The following CPS1 variants were observed in gnomAD, a reference collection of about 807,000 sequenced individuals.
CPS1 encodes the protein carbamoyl-phosphate synthase 1, also known as carbamoyl-phosphate synthase [ammonia], mitochondrial.
A neutral mutation model predicts 174.6 loss-of-function variants in CPS1; 109 were observed. The observed-to-expected ratio is 0.62, with a 90% CI of 0.53 to 0.73. The LOEUF (loss-of-function observed/expected upper bound fraction) is 0.73. Ranked by LOEUF, CPS1 falls within the 30% of genes least tolerant of loss-of-function variation. The pLI, the probability that CPS1 is intolerant of heterozygous loss-of-function variation, is 0.00. For missense variants in CPS1, 1,689 were observed against 1,821.9 expected (o/e 0.93, Z 1.33); for synonymous variants, 637 against 632.0 (o/e 1.01, Z -0.12).
At chr2:210,538,914 A>G (rs1345460239) in intron 1 of CPS1, among the ~76,000 whole-genome samples, 1 of 152,076 alleles carries the variant, frequency 6.6e-6, no homozygotes, top group Non-Finnish European at 1.5e-5. Context: ...TCAGAGGAAA[A>G]ATTTATTACT....
intron 1 of CPS1, among the ~76,000 whole-genome samples, chr2:210,567,751 T>G (rs538291025): frequency 6.6e-6 from 1 of 152,264 alleles, no homozygotes; most frequent in African/African-American, 2.4e-5. Flanking sequence ...TAAGGGTACT[T>G]TTTGGGCAGC....
At chr2:210,560,991 G>A (rs1012143981) in intron 1 of CPS1, among the ~76,000 whole-genome samples, 1 of 152,122 alleles carries the variant, frequency 6.6e-6, no homozygotes, top group Non-Finnish European at 1.5e-5. Flanking sequence ...GAATTAGTTT[G>A]CCTGATGGAC....
intron 21 of CPS1, among the ~76,000 whole-genome samples, chr2:210,625,368 G>A (rs1386607002): frequency 2.0e-5 from 3 of 152,050 alleles, no homozygotes; most frequent in Non-Finnish European, 4.4e-5. Flanking sequence ...CATGTGAGAA[G>A]CAGAAATATG....
intron 1 of CPS1, among the ~76,000 whole-genome samples, chr2:210,528,814 C>CTTTTT (rs779266955): frequency 8.5e-6 from 1 of 117,684 alleles, no homozygotes; most frequent in Non-Finnish European, 1.8e-5. Context: ...ATCAAGACAA[C>CTTTTT]TTTTTTTTTT....
intron 6 of CPS1, among the ~76,000 whole-genome samples, chr2:210,586,218 T>G (rs1422396141): frequency 1.3e-5 from 2 of 151,958 alleles, no homozygotes; most frequent in African/African-American, 4.8e-5. Context: ...GGGATGTGCA[T>G]TCAAAACATG....
At chr2:210,511,488 A>G (rs1695490871) in intron 1 of CPS1, among the ~76,000 whole-genome samples, 1 of 152,060 alleles carries the variant, frequency 6.6e-6, no homozygotes, top group Non-Finnish European at 1.5e-5. Flanking sequence ...CATATGTAAC[A>G]AACCTGCACA....
Position 210,577,520 on chromosome 2 carries a change from G to A in CPS1, c.471+10G>A, listed in dbSNP as rs1476204296. The A allele has an allele frequency of 8.8e-6, 14 of 1,596,536 alleles. No homozygotes were observed. The highest frequency in any genetic ancestry group is 1.2e-5 in the Non-Finnish European group (14 of 1,164,014). On this transcript the variant is annotated intron_variant, in intron 4 of 37. Coordinates refer to ENST00000233072, the MANE Select transcript of CPS1 (RefSeq NM_001875.5). ...GCTACAGGAAGAAAAGGTAAGAAAT[G>A]TAATAGGGCATCCATCATCACCTAA...
At chr2:210,637,034 A>G (rs1213764809) in intron 21 of CPS1, among the ~76,000 whole-genome samples, 2 of 152,214 alleles carry the variant, frequency 1.3e-5, no homozygotes, top group African/African-American at 2.4e-5. Flanking sequence ...CTAGGTGAAG[A>G]TGATTCTCAA....
chr2:210,675,521 G>C (rs910173798), intron 35 of CPS1, among the ~76,000 whole-genome samples: 1 of 152,050 alleles, frequency 6.6e-6, no homozygotes, highest in African/African-American at 2.4e-5. Flanking sequence ...ATAAAATTGA[G>C]GTTCTTAAGT....
chr2:210,614,646 A>AC (rs1466052904), intron 20 of CPS1, among the ~76,000 whole-genome samples: 2 of 151,950 alleles, frequency 1.3e-5, no homozygotes, highest in Non-Finnish European at 2.9e-5. Flanking sequence ...TTCTCTAATG[A>AC]CCAGTGATGA....
intron 26 of CPS1, among the ~76,000 whole-genome samples, 156 bp downstream of exon 26, chr2:210,648,213 G>A (rs1158337376): frequency 1.3e-5 from 2 of 152,208 alleles, no homozygotes; most frequent in East Asian, 1.9e-4. Flanking sequence ...CATGATTGCA[G>A]TTAATGCTGA....
chr2:210,481,261 T>C (rs1002462730), intron 1 of CPS1, among the ~76,000 whole-genome samples: 2 of 152,230 alleles, frequency 1.3e-5, no homozygotes, highest in Non-Finnish European at 2.9e-5. Flanking sequence ...TTAGTATGTG[T>C]CTTTAACGAG....
intron 1 of CPS1, among the ~76,000 whole-genome samples, chr2:210,539,501 C>A (rs767425085): frequency 4.6e-5 from 7 of 152,128 alleles, no homozygotes; most frequent in Non-Finnish European, 8.8e-5. Context: ...TCCAGTAATG[C>A]AGTCCAATAC....
chr2:210,505,440 C>T (rs1695251820), intron 1 of CPS1, among the ~76,000 whole-genome samples: 1 of 152,082 alleles, frequency 6.6e-6, no homozygotes, highest in Admixed American at 6.5e-5. Context: ...GGAACAGCTC[C>T]AGTCTACTGC....
At chr2:210,521,137 A>G (rs934359900) in intron 1 of CPS1, among the ~76,000 whole-genome samples, 3 of 152,038 alleles carry the variant, frequency 2.0e-5, no homozygotes, top group South Asian at 2.1e-4. Flanking sequence ...AATTGTAGCC[A>G]TTCTTATAAG....
intron 1 of CPS1, among the ~76,000 whole-genome samples, chr2:210,480,309 A>G (rs1489755893): frequency 1.3e-5 from 2 of 151,960 alleles, no homozygotes; most frequent in Admixed American, 1.3e-4. Flanking sequence ...TCACTTGGCC[A>G]CCTCTAGCTG....
chr2:210,621,486 A>G (rs543354034), intron 21 of CPS1, among the ~76,000 whole-genome samples: 6 of 152,038 alleles, frequency 3.9e-5, no homozygotes, highest in South Asian at 2.1e-4. Flanking sequence ...ATTTTAGTCT[A>G]TTTTTCCCAT....
chr2:210,572,196 G>GTGTATATC (rs1309591943), intron 1 of CPS1, among the ~76,000 whole-genome samples: 2 of 151,826 alleles, frequency 1.3e-5, no homozygotes, highest in Non-Finnish European at 2.9e-5. Flanking sequence ...GAATATTACA[G>GTGTATATC]TGTATATCTT....
chr2:210,667,548 GT>G (rs1701141453), intron 33 of CPS1, among the ~76,000 whole-genome samples: 1 of 152,100 alleles, frequency 6.6e-6, no homozygotes, highest in African/African-American at 2.4e-5. Context: ...GTTTGGAATT[GT>G]TTTTTCCCCA....
Sources: gnomAD v4.1 joint callset for allele counts (sites outside exome capture counted in the v4.1 genomes callset) on GRCh38, gnomAD v4.1.1 for gene constraint, MANE v1.5 for transcripts, NCBI Gene and HGNC (gene_info 2026-07-23, HGNC 2026-07-21) for gene names.